Variants in APBA2 observed in about 807,000 individuals in gnomAD.
APBA2 encodes the protein amyloid beta precursor protein binding family A member 2, also known as amyloid-beta A4 precursor protein-binding family A member 2.
A neutral mutation model predicts 75.0 loss-of-function variants in APBA2; 30 were observed. That is an observed-to-expected ratio of 0.40 (90% confidence interval 0.30 to 0.54). The LOEUF (loss-of-function observed/expected upper bound fraction) is 0.54. Ranked by LOEUF, APBA2 falls within the 20% of genes least tolerant of loss-of-function variation. APBA2 has a pLI of 0.49. For missense variants in APBA2, 801 were observed against 1,016.1 expected (o/e 0.79, Z 2.88); for synonymous variants, 444 against 409.6 (o/e 1.08, Z -1.01).
At chr15:29,108,505 G>A in intron 13 of APBA2, 116 bp downstream of exon 13, 1 of 1,543,624 alleles carries the variant, frequency 6.5e-7, no homozygotes, top group South Asian at 1.1e-5. Context: ...CCTGGCCTGT[G>A]GTTGCAGCTG....
chr15:28,954,129 A>T (rs1250514121), intron 2 of APBA2, among the ~76,000 whole-genome samples: 1 of 152,004 alleles, frequency 6.6e-6, no homozygotes, highest in Non-Finnish European at 1.5e-5. Context: ...CCCCACATGG[A>T]ATCTGTTCCG....
At chr15:28,898,796 T>C (rs1254768812) in intron 1 of APBA2, among the ~76,000 whole-genome samples, 2 of 152,320 alleles carry the variant, frequency 1.3e-5, no homozygotes, top group Admixed American at 1.3e-4. Flanking sequence ...AACAATACTA[T>C]CAAAATTGAG....
Position 29,084,518 on chromosome 15 carries a change from A to G in APBA2, c.1069+8427A>G, listed in dbSNP as rs2043206838. On this transcript the variant is annotated intron_variant, in intron 6 of 14. Transcript: ENST00000683413. The stretch of plus-strand genomic sequence containing the variant: ...ATCTTACATCATAGCCTCTTTAAAT[A>G]TTTCATATTGTATCTCTAAAATATA... Among the ~76,000 whole-genome samples, 5 of 152,188 alleles carry G rather than the reference A, an allele frequency of 3.3e-5. No individual in the cohort carries two copies. In the South Asian group the frequency reaches 8.3e-4, roughly 25 times the overall value.
Position 29,101,697 on chromosome 15 carries a change from C to T in APBA2, c.1437C>T (p.Ala479=), listed in dbSNP as rs1266619257. 4 of 1,613,622 alleles carry T rather than the reference C, an allele frequency of 2.5e-6. No homozygotes were observed. Among genetic ancestry groups the T allele is most frequent in the Non-Finnish European group, 2.5e-6 (3 of 1,180,050 alleles). Residue 479 remains alanine, a synonymous_variant, in exon 10 of 15, where the codon GCC becomes GCT. Transcript: ENST00000683413. ...LMARRRMPRS[A]SQDCIETTPG... ...CCAGACGCCGCATGCCCCGGTCAGC[C>T]TCTCAGGACTGCATCGAGACCACGC...
At chr15:28,912,596 G>C (rs1051903436) in intron 1 of APBA2, among the ~76,000 whole-genome samples, 2 of 152,360 alleles carry the variant, frequency 1.3e-5, no homozygotes, top group Non-Finnish European at 2.9e-5. Flanking sequence ...GGATGTTACA[G>C]CTTAGGCCTG....
At chr15:29,015,222 A>T (rs2039598805) in intron 3 of APBA2, among the ~76,000 whole-genome samples, 1 of 152,204 alleles carries the variant, frequency 6.6e-6, no homozygotes, top group Admixed American at 6.5e-5. Flanking sequence ...GCTGAGAGGC[A>T]TGCTCTTGGA....
chr15:28,989,369 T>A (rs2038096152), intron 2 of APBA2, among the ~76,000 whole-genome samples: 2 of 152,158 alleles, frequency 1.3e-5, no homozygotes, highest in African/African-American at 4.8e-5. Flanking sequence ...ACGGTGGGCC[T>A]GGGAGGATGC....
intron 2 of APBA2, among the ~76,000 whole-genome samples, chr15:28,923,937 G>A (rs1363786135): frequency 1.3e-5 from 2 of 152,234 alleles, no homozygotes; most frequent in Non-Finnish European, 2.9e-5. Context: ...ATTTGCAGGT[G>A]CAGTTTTCAT....
intron 2 of APBA2, among the ~76,000 whole-genome samples, chr15:28,988,918 G>A (rs1038602084): frequency 6.6e-6 from 1 of 152,176 alleles, no homozygotes; most frequent in African/African-American, 2.4e-5. Flanking sequence ...CACTGACAGC[G>A]TATGAGTTTC....
intron 13 of APBA2, among the ~76,000 whole-genome samples, chr15:29,112,434 A>C (rs944871536): frequency 6.6e-5 from 10 of 152,136 alleles, no homozygotes; most frequent in Non-Finnish European, 1.3e-4. Context: ...AGGCCCCCTC[A>C]CAGTTGTCTG....
At chr15:29,047,971 C>T (rs375201775) in intron 3 of APBA2, among the ~76,000 whole-genome samples, 39 of 152,078 alleles carry the variant, frequency 2.6e-4, no homozygotes, top group Admixed American at 7.2e-4. Context: ...ATTACAAAGC[C>T]GTTGAGAGAC....
At chr15:29,101,864 C>T (rs1337732635) in intron 10 of APBA2, 80 bp downstream of exon 10, 9 of 1,434,828 alleles carry the variant, frequency 6.3e-6, no homozygotes, top group Non-Finnish European at 8.7e-6. Context: ...GCTGTGGAAA[C>T]CACCCTCAGG....
intron 2 of APBA2, among the ~76,000 whole-genome samples, chr15:28,925,366 A>G (rs1303617871): frequency 6.6e-6 from 1 of 152,168 alleles, no homozygotes; most frequent in Non-Finnish European, 1.5e-5. Flanking sequence ...TTTTGATGTT[A>G]GGATAATTCC....
intron 6 of APBA2, among the ~76,000 whole-genome samples, chr15:29,082,145 G>A (rs1400921109): frequency 3.3e-5 from 5 of 152,180 alleles, no homozygotes; most frequent in African/African-American, 7.2e-5. Flanking sequence ...ACACTATTTC[G>A]TATGTTCATA....
intron 1 of APBA2, among the ~76,000 whole-genome samples, chr15:28,915,787 C>T (rs1265202754): frequency 6.6e-6 from 1 of 150,556 alleles, no homozygotes; most frequent in South Asian, 2.1e-4. Context: ...CACACACACA[C>T]CACACACACA....
At chr15:29,022,386 A>G (rs180731611) in intron 3 of APBA2, among the ~76,000 whole-genome samples, 204 of 152,206 alleles carry the variant, frequency 1.3e-3, no homozygotes, top group African/African-American at 4.9e-3. Context: ...TTCCTTGATG[A>G]TTTTTTATTG....
At chr15:29,095,417 C>T (rs1021917555) in intron 8 of APBA2, among the ~76,000 whole-genome samples, 56 of 131,552 alleles carry the variant, frequency 4.3e-4, no homozygotes, top group African/African-American at 1.3e-3. Context: ...GCAACACGAG[C>T]GAAACTCCAT....
At chr15:28,948,977 G>A (rs2035701473) in intron 2 of APBA2, among the ~76,000 whole-genome samples, 2 of 152,106 alleles carry the variant, frequency 1.3e-5, no homozygotes, top group Admixed American at 6.5e-5. Flanking sequence ...AGTCCAGCTC[G>A]AGGAAACACC....
intron 4 of APBA2, among the ~76,000 whole-genome samples, chr15:29,057,247 C>A (rs139774836): frequency 6.6e-6 from 1 of 152,200 alleles, no homozygotes; most frequent in African/African-American, 2.4e-5. Context: ...GGAGCCCCGC[C>A]CCCACATTGC....
Sources: allele counts gnomAD v4.1 joint callset (sites outside exome capture counted in the v4.1 genomes callset), GRCh38; gene constraint gnomAD v4.1.1; transcripts MANE v1.5; gene names NCBI Gene and HGNC (gene_info 2026-07-23, HGNC 2026-07-21).